The following ADAMTS2 variants were observed in gnomAD, a reference collection of about 807,000 sequenced individuals.
ADAMTS2 encodes the protein ADAM metallopeptidase with thrombospondin type 1 motif 2, also known as A disintegrin and metalloproteinase with thrombospondin motifs 2.
A neutral mutation model predicts 123.0 loss-of-function variants in ADAMTS2; 50 were observed. The observed-to-expected ratio is 0.41, with a 90% CI of 0.32 to 0.51. The LOEUF is 0.51. ADAMTS2 is among the 20% of genes least tolerant of loss of function. The pLI is 0.35. For synonymous variants in ADAMTS2, 678 were observed against 695.4 expected (o/e 0.98, Z 0.39); for missense variants, 1,494 against 1,705.2 (o/e 0.88, Z 2.18).
intron 3 of ADAMTS2, among the ~76,000 whole-genome samples, chr5:179,270,709 C>T (rs1439762355): frequency 6.6e-6 from 1 of 152,200 alleles, no homozygotes; most frequent in African/African-American, 2.4e-5. Context: ...CACCCAGCTC[C>T]GGCACTCACT....
In ADAMTS2 at chr5:179,149,691, G is replaced by C. The variant is rs190743498; in HGVS notation, c.1629+2451C>G. ...TGTAAAATCACAGCGTGAGAGAACA[G>C]TGATGCACAGGACAGGGAAACATAC... On this transcript the variant is annotated intron_variant, in intron 10 of 21. Coordinates refer to ENST00000251582, the MANE Select transcript of ADAMTS2 (RefSeq NM_014244.5). Among the ~76,000 whole-genome samples the C allele has an allele frequency of 1.1e-4, 16 of 152,346 alleles. No homozygotes were observed. The East Asian group carries it at 2.9e-3, about 28-fold the overall frequency.
chr5:179,129,811 G>T lies in ADAMTS2; in HGVS notation c.2457+121C>A. On this transcript the variant is annotated intron_variant, in intron 16 of 21. Coordinates refer to ENST00000251582, the MANE Select transcript of ADAMTS2 (RefSeq NM_014244.5). This position sits in a 1 kb window ranked among gnomAD's most constrained non-coding sequence, Gnocchi z 4.1. ...CGGAGCCCCTTGGTGCCAAAGGCAGGCCAAAGGGGCCACGCAGAGTGTCAC... is the reference window on the plus strand; with the variant it reads ...CGGAGCCCCTTGGTGCCAAAGGCAGTCCAAAGGGGCCACGCAGAGTGTCAC... 1.5e-6 allele frequency: 2 copies of T among 1,364,172 alleles called. No homozygotes were observed. The highest frequency in any genetic ancestry group is 2.0e-6 in the Non-Finnish European group (2 of 993,708). 84.5% of individuals were successfully genotyped at this position (1,364,172 alleles called of 1,614,324 possible).
chr5:179,139,769 C>T (rs995690058), intron 11 of ADAMTS2, 121 bp downstream of exon 11: 43 of 1,481,574 alleles, frequency 2.9e-5, no homozygotes, highest in Non-Finnish European at 3.7e-5. Flanking sequence ...GCAGCCTGCC[C>T]TGCACCTCTC....
intron 3 of ADAMTS2, among the ~76,000 whole-genome samples, chr5:179,244,850 G>A (rs1765746794): frequency 6.6e-6 from 1 of 152,162 alleles, no homozygotes. Flanking sequence ...AAGGCAAACT[G>A]TTGATATATA....
chr5:179,123,956 C>G (rs1212767900), intron 19 of ADAMTS2, among the ~76,000 whole-genome samples: 1 of 152,240 alleles, frequency 6.6e-6, no homozygotes, highest in Admixed American at 6.5e-5. Flanking sequence ...CGCCCAGGCT[C>G]TGGTGGGCTC....
intron 2 of ADAMTS2, among the ~76,000 whole-genome samples, chr5:179,319,144 GCAC>G (rs767620397): frequency 1.2e-4 from 18 of 152,048 alleles, no homozygotes; most frequent in Non-Finnish European, 1.6e-4. Context: ...CGCATCACAT[GCAC>G]CACGTGTGCA....
chr5:179,125,012 C>T lies in ADAMTS2; in HGVS notation c.2919G>A (p.Glu973=). 1 of 1,607,658 alleles carries T rather than the reference C, an allele frequency of 6.2e-7. No homozygotes were observed. Among genetic ancestry groups the T allele is most frequent in the Admixed American group, 1.7e-5 (1 of 58,606 alleles). The change falls in exon 19 of 22, where the codon GAG becomes GAA. Residue 973 remains glutamate (E), a synonymous_variant. Coordinates refer to ENST00000251582, the MANE Select transcript of ADAMTS2 (RefSeq NM_014244.5). ...RPESRRACSR[E]LCPGRWRAGP... ...CGGCTCGCCAACGACCAGGGCAGAGCTCGCGGCTGCAGGCCCGGCGGCTCT... is the reference window on the plus strand; with the variant it reads ...CGGCTCGCCAACGACCAGGGCAGAGTTCGCGGCTGCAGGCCCGGCGGCTCT...
chr5:179,156,961 CTTTTTTTTTTTTT>C (rs70997667), intron 6 of ADAMTS2, among the ~76,000 whole-genome samples: 1 of 108,342 alleles, frequency 9.2e-6, no homozygotes, highest in African/African-American at 3.5e-5. Flanking sequence ...TTCATTTTTT[CTTTTTTTTTTTTT>C]TTTTTTTGAG....
intron 3 of ADAMTS2, among the ~76,000 whole-genome samples, chr5:179,240,200 G>A (rs1765631526): frequency 6.6e-6 from 1 of 152,214 alleles, no homozygotes. Flanking sequence ...ACTGAGGGGA[G>A]CAGTCTGGCT....
chr5:179,200,887 T>C (rs1764548089), intron 4 of ADAMTS2, among the ~76,000 whole-genome samples: 1 of 152,180 alleles, frequency 6.6e-6, no homozygotes, highest in Non-Finnish European at 1.5e-5. Context: ...AAAAAGTTTA[T>C]CTACTTAAGT....
chr5:179,274,147 G>A (rs1766627645), intron 2 of ADAMTS2, among the ~76,000 whole-genome samples: 1 of 148,706 alleles, frequency 6.7e-6, no homozygotes, highest in African/African-American at 2.5e-5. Context: ...GCCATACCCT[G>A]CCATCCAGCC....
At chr5:179,282,958 G>A (rs1415636157) in intron 2 of ADAMTS2, among the ~76,000 whole-genome samples, 1 of 152,106 alleles carries the variant, frequency 6.6e-6, no homozygotes, top group Non-Finnish European at 1.5e-5. Context: ...GCCACTGTGA[G>A]CAACTCTGGG....
rs748247714 is a variant in ADAMTS2, at chr5:179,158,312, C to T, written c.1132+411G>A. ...CATCTCTTACTCCAAGAACATGGAG[C>T]CATCCACCTACGTTATCTTCTTTCA... On this transcript the variant is annotated intron_variant, in intron 6 of 21. Transcript: ENST00000251582. This position sits in a 1 kb window ranked among gnomAD's most constrained non-coding sequence, Gnocchi z 5.0. Among the ~76,000 whole-genome samples the T allele has an allele frequency of 1.3e-5, 2 of 152,154 alleles. No homozygotes were observed. Among genetic ancestry groups the T allele is most frequent in the South Asian group, 2.1e-4 (1 of 4,818 alleles).
chr5:179,167,874 T>C (rs1290813143), intron 5 of ADAMTS2, among the ~76,000 whole-genome samples: 1 of 152,222 alleles, frequency 6.6e-6, no homozygotes, highest in African/African-American at 2.4e-5. Flanking sequence ...CTTGTCCTTG[T>C]CTCTGCCGTG....
chr5:179,314,266 C>T lies in ADAMTS2; in HGVS notation c.534+29501G>A, dbSNP rs920054526. Reference sequence around the variant, plus strand: ...GGCCCTGTCCTTGTCTTGCTCAGCTCGGGGGAAGCACCTCTCGCCAGCCAT... The same window carrying T: ...GGCCCTGTCCTTGTCTTGCTCAGCTTGGGGGAAGCACCTCTCGCCAGCCAT... On this transcript the variant is annotated intron_variant, in intron 2 of 21. Transcript: ENST00000251582. This position sits in a 1 kb window ranked among gnomAD's most constrained non-coding sequence, Gnocchi z 4.5. Among the ~76,000 whole-genome samples, 7 of 152,162 alleles carry T rather than the reference C, an allele frequency of 4.6e-5. No homozygotes were observed. The highest frequency in any genetic ancestry group is 1.7e-4 in the African/African-American group (7 of 41,454).
intron 2 of ADAMTS2, among the ~76,000 whole-genome samples, chr5:179,322,533 A>T (rs1581274945): frequency 6.6e-6 from 1 of 152,014 alleles, no homozygotes; most frequent in African/African-American, 2.4e-5. Flanking sequence ...ATAGAGCTTC[A>T]TTGCCACATC....
chr5:179,231,252 G>A (rs1765407021), intron 3 of ADAMTS2, among the ~76,000 whole-genome samples: 1 of 152,188 alleles, frequency 6.6e-6, no homozygotes, highest in Non-Finnish European at 1.5e-5. Context: ...CGGGAAATGG[G>A]GAGTTGCTGT....
rs938514720 is a variant in ADAMTS2 at position 179,117,803 on chromosome 5, T to A, written c.3179-3479A>T. On this transcript the variant is annotated intron_variant, in intron 21 of 21. Transcript: ENST00000251582. This position sits in a 1 kb window ranked among gnomAD's most constrained non-coding sequence, Gnocchi z 4.2. ...CATCCACCTCAGCCTCCCAAAGTGC[T>A]GGGATTACAGGTGTAAGCCACTGTG... Among the ~76,000 whole-genome samples the A allele has an allele frequency of 2.0e-5, 3 of 152,122 alleles. No homozygotes were observed. Among genetic ancestry groups the A allele is most frequent in the Admixed American group, 6.5e-5 (1 of 15,284 alleles).
At chr5:179,167,664 C>T (rs1275882654) in intron 5 of ADAMTS2, among the ~76,000 whole-genome samples, 1 of 152,208 alleles carries the variant, frequency 6.6e-6, no homozygotes, top group Non-Finnish European at 1.5e-5. Flanking sequence ...CGAGGCTCAC[C>T]AAGTCCACTG....
Sources: allele counts gnomAD v4.1 joint callset (sites outside exome capture counted in the v4.1 genomes callset), GRCh38; gene constraint gnomAD v4.1.1; non-coding constraint Gnocchi (gnomAD v3.1); transcripts MANE v1.5; gene names NCBI Gene and HGNC (gene_info 2026-07-23, HGNC 2026-07-21).